Variants in SPHKAP observed in about 807,000 individuals in gnomAD.
SPHKAP encodes SPHK1 interactor, AKAP domain containing, also known as A-kinase anchor protein SPHKAP.
Under a neutral mutation model 137.5 loss-of-function variants are expected in SPHKAP, and 67 were observed. The ratio of observed to expected loss-of-function variants is 0.49; its 90% CI spans 0.40 to 0.60. The LOEUF (loss-of-function observed/expected upper bound fraction) is 0.60. Among genes scored for constraint, SPHKAP ranks in the 20% least tolerant of loss-of-function variants. The pLI is 0.00. For missense variants in SPHKAP, 2,097 were observed against 2,069.3 expected (o/e 1.01, Z -0.26); for synonymous variants, 813 against 785.3 (o/e 1.04, Z -0.59).
At chr2:228,169,321 A>G (rs944715507) in intron 1 of SPHKAP, among the ~76,000 whole-genome samples, 1 of 152,184 alleles carries the variant, frequency 6.6e-6, no homozygotes, top group Non-Finnish European at 1.5e-5. Context: ...GGAGAAGTCA[A>G]TGCCCGGCTT....
intron 3 of SPHKAP, among the ~76,000 whole-genome samples, chr2:228,030,995 A>C (rs1037285668): frequency 1.3e-5 from 2 of 152,196 alleles, no homozygotes; most frequent in Admixed American, 6.5e-5. Flanking sequence ...TATCTGAGGT[A>C]CCAGGCTCAT....
At position 228,016,447 on chromosome 2, in the gene SPHKAP, C is replaced by A. The variant is rs1380079784; in HGVS notation, c.4407G>T (p.Val1469=). The A allele has an allele frequency of 6.2e-7, 1 of 1,610,656 alleles. No homozygotes were observed. Among genetic ancestry groups the A allele is most frequent in the African/African-American group, 1.3e-5 (1 of 74,710 alleles). ...CGCTCACGGCTGTGTCTCCACCTCT[C>A]ACCACATCTGGGATGTTTTTGTCAT... ...HSNDKNIPDV[V]RGGDTAVSAC... is the part of the protein sequence containing the mutation. Residue 1469 remains valine (V), a synonymous_variant, in exon 7 of 12, where the codon GTG becomes GTT. Transcript: ENST00000392056.
intron 7 of SPHKAP, among the ~76,000 whole-genome samples, chr2:228,013,027 C>A (rs907266786): frequency 6.6e-6 from 1 of 152,154 alleles, no homozygotes; most frequent in Non-Finnish European, 1.5e-5. Context: ...ATGACACCTC[C>A]CCATCTCCAA....
chr2:228,036,973 T>G (rs1158123784), intron 3 of SPHKAP, among the ~76,000 whole-genome samples: 1 of 152,092 alleles, frequency 6.6e-6, no homozygotes, highest in African/African-American at 2.4e-5. Context: ...ACATGGCACC[T>G]GTATACATAT....
chr2:228,134,420 C>T (rs1360934604), intron 1 of SPHKAP, among the ~76,000 whole-genome samples: 2 of 152,128 alleles, frequency 1.3e-5, no homozygotes, highest in African/African-American at 4.8e-5. Context: ...GTGTGGTTCC[C>T]TCATGGCTCT....
chr2:228,098,111 G>T lies in SPHKAP; in HGVS notation c.246+10721C>A, dbSNP rs74739689. ...TTGCATTCCCACCAGCAGTGTATAA[G>T]TTTTCCCTTTTTTTCTGCAACGTTG... On this transcript the variant is annotated intron_variant, in intron 3 of 11. Transcript: ENST00000392056. 1.0e-3 allele frequency among the ~76,000 whole-genome samples: 157 copies of T among 151,682 alleles called. 4 individuals are homozygous for T. In the South Asian group the frequency reaches 0.032, roughly 31 times the overall value.
At chr2:228,108,369 A>G (rs561627647) in intron 3 of SPHKAP, among the ~76,000 whole-genome samples, 1 of 152,282 alleles carries the variant, frequency 6.6e-6, no homozygotes, top group South Asian at 2.1e-4. Flanking sequence ...ATTAAAATGT[A>G]TGACTGTTTA....
In SPHKAP at chr2:228,019,056, G is replaced by A. The variant is rs377235851; in HGVS notation, c.1798C>T (p.Pro600Ser). The stretch of plus-strand genomic sequence containing the variant: ...ATGCTTGCTAAACCACAAAGTGGGG[G>A]CATGGCTTCAGAAGCCTCAGCTGCA... ...PPAAEASEAM[P>S]PLCGLASMEL... The change falls in exon 7 of 12, where the codon CCC becomes TCC. Residue 600 changes from proline to serine, a missense_variant. Transcript: ENST00000392056. 3.0e-5 allele frequency: 48 copies of A among 1,614,010 alleles called. No homozygotes were observed. The highest frequency in any genetic ancestry group is 3.9e-5 in the Non-Finnish European group (46 of 1,180,012).
chr2:228,088,853 A>G (rs1169343843), intron 3 of SPHKAP, among the ~76,000 whole-genome samples: 3 of 152,212 alleles, frequency 2.0e-5, no homozygotes, highest in African/African-American at 4.8e-5. Context: ...TACCAGGGCC[A>G]TGCTTCCTGT....
Position 228,159,313 on chromosome 2 carries a change from A to C in SPHKAP, c.32+22254T>G, listed in dbSNP as rs185941589. On this transcript the variant is annotated intron_variant, in intron 1 of 11. Coordinates refer to ENST00000392056, the MANE Select transcript of SPHKAP (RefSeq NM_001142644.2). ...TTAAACAAAGAGCAGGGGAGTTTTT[A>C]AGAGCAGGGTTGGGGGTGAGAATGA... is the stretch of plus-strand genomic sequence containing the variant. 1.1e-4 allele frequency among the ~76,000 whole-genome samples: 17 copies of C among 152,306 alleles called. No homozygotes were observed. In the East Asian group the frequency reaches 2.5e-3, roughly 22 times the overall value.
intron 3 of SPHKAP, among the ~76,000 whole-genome samples, chr2:228,090,763 C>G (rs571297753): frequency 6.6e-6 from 1 of 151,792 alleles, no homozygotes; most frequent in Non-Finnish European, 1.5e-5. Flanking sequence ...AGGATGAGCA[C>G]CCCCTAGCTT....
At chr2:227,991,683 T>C in intron 9 of SPHKAP, 2 of 985,122 alleles carry the variant, frequency 2.0e-6, no homozygotes, top group Non-Finnish European at 2.4e-6. Flanking sequence ...TAGTTCTGAT[T>C]TGGAGATTTA....
chr2:228,044,302 A>G (rs1695950985), intron 3 of SPHKAP, among the ~76,000 whole-genome samples: 1 of 152,232 alleles, frequency 6.6e-6, no homozygotes, highest in Admixed American at 6.5e-5. Flanking sequence ...AAATATTTAG[A>G]GGATTTAGTC....
At chr2:228,122,459 G>A (rs1236718282) in intron 2 of SPHKAP, among the ~76,000 whole-genome samples, 2 of 152,100 alleles carry the variant, frequency 1.3e-5, no homozygotes, top group African/African-American at 4.8e-5. Flanking sequence ...AGAAGTGAGT[G>A]GAGTTCAGAG....
intron 1 of SPHKAP, among the ~76,000 whole-genome samples, chr2:228,158,329 T>TTTC (rs1553550820): frequency 6.7e-6 from 1 of 149,594 alleles, no homozygotes; most frequent in Non-Finnish European, 1.5e-5. Context: ...CTTCTTTCTT[T>TTTC]TTTTTTTTTT....
chr2:228,144,392 T>C (rs976081134), intron 1 of SPHKAP, among the ~76,000 whole-genome samples: 4 of 152,210 alleles, frequency 2.6e-5, no homozygotes, highest in Non-Finnish European at 5.9e-5. Flanking sequence ...CCAAGAATAA[T>C]GCCTGGCATA....
At chr2:228,083,985 G>A (rs1181015732) in intron 3 of SPHKAP, among the ~76,000 whole-genome samples, 1 of 151,996 alleles carries the variant, frequency 6.6e-6, no homozygotes, top group East Asian at 1.9e-4. Flanking sequence ...TACTGGATGC[G>A]GGTTTTAAAC....
At position 228,019,372 on chromosome 2, in the gene SPHKAP, A is replaced by G; in HGVS notation, c.1482T>C (p.Ser494=). 6.2e-7 allele frequency: 1 copy of G among 1,614,008 alleles called. No homozygotes were observed. The highest frequency in any genetic ancestry group is 8.5e-7 in the Non-Finnish European group (1 of 1,179,992). ...SGENSSRQPQ[S]ALEVALACAA... is the part of the protein sequence containing the mutation. ...CACAAGCTAACGCCACTTCTAGAGC[A>G]CTCTGGGGTTGTCTGCTGGAGTTCT... Residue 494 remains serine (S), a synonymous_variant, in exon 7 of 12, where the codon AGT becomes AGC. Coordinates refer to ENST00000392056, the MANE Select transcript of SPHKAP (RefSeq NM_001142644.2).
intron 3 of SPHKAP, among the ~76,000 whole-genome samples, chr2:228,083,625 C>G (rs1407063607): frequency 6.6e-6 from 1 of 152,116 alleles, no homozygotes; most frequent in Non-Finnish European, 1.5e-5. Context: ...TATAAAGACA[C>G]ATGCACACGT....
Sources: allele counts gnomAD v4.1 joint callset (sites outside exome capture counted in the v4.1 genomes callset), GRCh38; gene constraint gnomAD v4.1.1; transcripts MANE v1.5; gene names NCBI Gene and HGNC (gene_info 2026-07-23, HGNC 2026-07-21).